Variants in NXPH1 observed in about 807,000 individuals in gnomAD.
NXPH1 encodes the protein neurexophilin 1.
NXPH1 carries 5 observed loss-of-function variants against 23.7 expected under a neutral mutation model. That is an observed-to-expected ratio of 0.21 (90% confidence interval 0.11 to 0.44). NXPH1 has a LOEUF of 0.44. NXPH1 is among the 20% of genes least tolerant of loss of function. The pLI is 0.99. For missense variants in NXPH1, 324 were observed against 321.6 expected (o/e 1.01, Z -0.06); for synonymous variants, 144 against 122.2 (o/e 1.18, Z -1.18).
intron 2 of NXPH1, among the ~76,000 whole-genome samples, chr7:8,472,445 C>T (rs998438685): frequency 7.9e-5 from 12 of 152,098 alleles, no homozygotes; most frequent in African/African-American, 2.2e-4. Flanking sequence ...ACTGAGCCAA[C>T]GAGGGGTTGG....
chr7:8,526,621 G>T (rs1249750557), intron 2 of NXPH1, among the ~76,000 whole-genome samples: 3 of 152,094 alleles, frequency 2.0e-5, no homozygotes, highest in Admixed American at 2.0e-4. Flanking sequence ...CATGGAGGCT[G>T]GTCTTTTCCA....
At chr7:8,450,752 G>A (rs1816492903) in intron 2 of NXPH1, among the ~76,000 whole-genome samples, 1 of 152,160 alleles carries the variant, frequency 6.6e-6, no homozygotes, top group African/African-American at 2.4e-5. Flanking sequence ...AAATAAAATT[G>A]CTTTCTGTAA....
intron 2 of NXPH1, among the ~76,000 whole-genome samples, chr7:8,529,118 T>G (rs1182931498): frequency 1.3e-5 from 2 of 152,242 alleles, no homozygotes; most frequent in East Asian, 3.8e-4. Flanking sequence ...ATTTACTCCT[T>G]CTCACCCTGG....
intron 2 of NXPH1, among the ~76,000 whole-genome samples, chr7:8,493,481 T>A (rs1438866102): frequency 1.3e-5 from 2 of 152,024 alleles, no homozygotes; most frequent in Non-Finnish European, 2.9e-5. Flanking sequence ...TTGGACTATG[T>A]GAAGAAAGAA....
At chr7:8,510,993 C>T (rs1046933492) in intron 2 of NXPH1, among the ~76,000 whole-genome samples, 1 of 152,072 alleles carries the variant, frequency 6.6e-6, no homozygotes, top group Non-Finnish European at 1.5e-5. Flanking sequence ...TTCTCTGCTT[C>T]CCTGACCTTG....
Position 8,752,518 on chromosome 7 carries a change from T to C in NXPH1, c.*749T>C, listed in dbSNP as rs2189620. 112,364 of 152,356 alleles carry C rather than the reference T, an allele frequency of 0.74. 42,175 individuals are homozygous for C. Among genetic ancestry groups the C allele is most frequent in the East Asian group, 0.92 (4,741 of 5,132 alleles). 9.4% of individuals were successfully genotyped at this position (152,356 alleles called of 1,614,324 possible). On this transcript the variant is annotated 3_prime_UTR_variant, in exon 3 of 3. Coordinates refer to ENST00000405863, the MANE Select transcript of NXPH1 (RefSeq NM_152745.3). ...ACCAATCATTGGACTTTTGTGAAGT[T>C]GACACCAGCTAAGGCTGCTTAAAAT... is the stretch of plus-strand genomic sequence containing the variant.
In NXPH1 at chr7:8,472,616, G is replaced by A. The variant is rs552166613; in HGVS notation, c.54+36849G>A. On this transcript the variant is annotated intron_variant, in intron 2 of 2. Coordinates refer to ENST00000405863, the MANE Select transcript of NXPH1 (RefSeq NM_152745.3). The stretch of plus-strand genomic sequence containing the variant: ...AGGAAGGGCCCAATTTCCTGGTAGG[G>A]AAGAGAGTCTGGATAGGATACCACA... 6.6e-5 allele frequency among the ~76,000 whole-genome samples: 10 copies of A among 152,244 alleles called. No individual in the cohort carries two copies. In the South Asian group the frequency reaches 2.1e-3, roughly 32 times the overall value.
At chr7:8,543,156 A>C (rs1221826885) in intron 2 of NXPH1, among the ~76,000 whole-genome samples, 1 of 151,552 alleles carries the variant, frequency 6.6e-6, no homozygotes, top group Non-Finnish European at 1.5e-5. Flanking sequence ...TCTGCTCAAT[A>C]CATATACTGC....
intron 2 of NXPH1, among the ~76,000 whole-genome samples, chr7:8,673,766 T>C (rs1383203019): frequency 6.6e-6 from 1 of 152,090 alleles, no homozygotes; most frequent in Non-Finnish European, 1.5e-5. Context: ...AATTAGGTGC[T>C]CTTATTGCTA....
intron 2 of NXPH1, among the ~76,000 whole-genome samples, chr7:8,643,652 T>C (rs2115145703): frequency 6.6e-6 from 1 of 152,298 alleles, no homozygotes; most frequent in African/African-American, 2.4e-5. Flanking sequence ...CGAACAAGAT[T>C]TCTCTATATA....
intron 2 of NXPH1, among the ~76,000 whole-genome samples, chr7:8,672,220 C>A (rs908892043): frequency 6.6e-6 from 1 of 152,006 alleles, no homozygotes; most frequent in Non-Finnish European, 1.5e-5. Flanking sequence ...AGCAAACTAT[C>A]GCAAGGACAA....
intron 2 of NXPH1, among the ~76,000 whole-genome samples, chr7:8,447,606 G>A (rs1433048934): frequency 6.6e-6 from 1 of 152,224 alleles, no homozygotes; most frequent in Non-Finnish European, 1.5e-5. Flanking sequence ...ATGCAGATCT[G>A]GCATATGAGC....
At position 8,751,339 on chromosome 7, in the gene NXPH1, A is replaced by G. The variant is rs1413370390; in HGVS notation, c.386A>G (p.Lys129Arg). 3 of 1,613,832 alleles carry G rather than the reference A, an allele frequency of 1.9e-6. No homozygotes were observed. The highest frequency in any genetic ancestry group is 2.5e-6 in the Non-Finnish European group (3 of 1,179,872). Residue 129 changes from lysine (K) to arginine (R), a missense_variant, in exon 3 of 3, where the codon AAA becomes AGA. Lys to Arg is a conservative substitution (Grantham distance 26). Coordinates refer to ENST00000405863, the MANE Select transcript of NXPH1 (RefSeq NM_152745.3). This position sits in a 1 kb window ranked among gnomAD's most constrained non-coding sequence, Gnocchi z 4.5. ...TGGGGCGATTTTCATTCCAACATCA[A>G]AACAGTGAAGCTGAACCTGTTGATA... ...FGWGDFHSNI[K>R]TVKLNLLITG...
intron 2 of NXPH1, among the ~76,000 whole-genome samples, chr7:8,539,098 A>G (rs1818071737): frequency 6.6e-6 from 1 of 151,840 alleles, no homozygotes; most frequent in Non-Finnish European, 1.5e-5. Context: ...TTATGCAAAC[A>G]CTGACTACCT....
chr7:8,581,766 G>A (rs1318982643), intron 2 of NXPH1, among the ~76,000 whole-genome samples: 2 of 152,176 alleles, frequency 1.3e-5, no homozygotes, highest in African/African-American at 4.8e-5. Flanking sequence ...GGACAAAGTA[G>A]CGATATTCAG....
chr7:8,582,765 C>T (rs564307494), intron 2 of NXPH1, among the ~76,000 whole-genome samples: 1 of 152,188 alleles, frequency 6.6e-6, no homozygotes, highest in Admixed American at 6.5e-5. Flanking sequence ...TGGGTGCTAA[C>T]TCCACCTGGA....
At chr7:8,620,923 C>T (rs1370618436) in intron 2 of NXPH1, among the ~76,000 whole-genome samples, 1 of 152,094 alleles carries the variant, frequency 6.6e-6, no homozygotes, top group Non-Finnish European at 1.5e-5. Context: ...TAATTCATAA[C>T]CTATGAATAA....
At chr7:8,540,387 G>A (rs1483324474) in intron 2 of NXPH1, among the ~76,000 whole-genome samples, 1 of 151,824 alleles carries the variant, frequency 6.6e-6, no homozygotes, top group Admixed American at 6.6e-5. Flanking sequence ...GTTTAAAGAT[G>A]TTGGACATCA....
intron 2 of NXPH1, among the ~76,000 whole-genome samples, chr7:8,554,742 G>A (rs560525104): frequency 6.6e-6 from 1 of 151,710 alleles, no homozygotes; most frequent in Non-Finnish European, 1.5e-5. Flanking sequence ...CTGTTCTTTA[G>A]GAAGGCTCTT....
Sources: allele counts gnomAD v4.1 joint callset (sites outside exome capture counted in the v4.1 genomes callset), GRCh38; gene constraint gnomAD v4.1.1; non-coding constraint Gnocchi (gnomAD v3.1); transcripts MANE v1.5; gene names NCBI Gene and HGNC (gene_info 2026-07-23, HGNC 2026-07-21).